The following GCKR variants were observed in gnomAD, a reference collection of about 807,000 sequenced individuals.
The protein encoded by GCKR is glucokinase regulator, also known as glucokinase regulatory protein.
In GCKR, 73 loss-of-function variants were observed where a neutral mutation model predicts 82.9. The observed-to-expected ratio is 0.88, with a 90% confidence interval of 0.73 to 1.07. The LOEUF (loss-of-function observed/expected upper bound fraction) is 1.07. Among genes scored for constraint, GCKR ranks in the 50% least tolerant of loss-of-function variants. The pLI is 0.00. For synonymous variants in GCKR, 294 were observed against 291.8 expected (o/e 1.01, Z -0.08); for missense variants, 784 against 782.1 (o/e 1.00, Z -0.03).
chr2:27,522,662 T>A, intron 18 of GCKR, 68 bp downstream of exon 18: 1 of 1,360,826 alleles, frequency 7.3e-7, no homozygotes, highest in Non-Finnish European at 1.0e-6. Context: ...AGGAAGTTTG[T>A]TCGGCACTGG....
At chr2:27,501,113 C>A (rs895918062) in intron 7 of GCKR, 22 bp from the exon 8 acceptor site, 1 of 1,546,740 alleles carries the variant, frequency 6.5e-7, no homozygotes, top group East Asian at 2.2e-5. Context: ...CTCATCATGC[C>A]CTTCTCTCTC....
At chr2:27,498,601 G>T in intron 4 of GCKR, 123 bp from the exon 5 acceptor site, 1 of 739,378 alleles carries the variant, frequency 1.4e-6, no homozygotes, top group East Asian at 2.6e-5. Flanking sequence ...ATTCCATGTA[G>T]GACTGGGTTA....
chr2:27,518,873 A>G lies in GCKR; in HGVS notation c.1508A>G (p.Asn503Ser), dbSNP rs200412367. The G allele has an allele frequency of 1.9e-4, 300 of 1,577,880 alleles. No homozygotes were observed. Among genetic ancestry groups the G allele is most frequent in the Non-Finnish European group, 2.5e-4 (284 of 1,158,540 alleles). ...GTGCTTCTTGGTAAGATCCTACAAA[A>G]CCACATGTTGGACCTTCGGATTAGC... ...AHVLLGKILQ[N>S]HMLDLRISNS... Residue 503 changes from asparagine (N) to serine (S), a missense_variant, in exon 17 of 19, where the codon AAC (asparagine) becomes AGC (serine). By Grantham distance (46) the Asn-to-Ser change is conservative. Coordinates refer to ENST00000264717, the MANE Select transcript of GCKR (RefSeq NM_001486.4).
At chr2:27,499,846 C>T (rs976269101) in intron 7 of GCKR, among the ~76,000 whole-genome samples, 3 of 152,098 alleles carry the variant, frequency 2.0e-5, no homozygotes, top group African/African-American at 7.2e-5. Flanking sequence ...TAAACTCCAC[C>T]TCCCAGGTTC....
intron 8 of GCKR, chr2:27,501,820 A>G (rs1172157409): frequency 2.1e-6 from 1 of 470,404 alleles, no homozygotes; most frequent in Non-Finnish European, 4.4e-6. Flanking sequence ...ATAAATCAAC[A>G]TATTAAACCA....
chr2:27,520,653 A>G (rs896354189), intron 17 of GCKR, among the ~76,000 whole-genome samples: 2 of 152,230 alleles, frequency 1.3e-5, no homozygotes, highest in African/African-American at 4.8e-5. Context: ...TGTAAAAACC[A>G]AAGCTGTATA....
At position 27,503,541 on chromosome 2, in the gene GCKR, A is replaced by C; in HGVS notation, c.672A>C (p.Ser224=). The C allele has an allele frequency of 6.2e-7, 1 of 1,606,658 alleles. No individual in the cohort carries two copies. Among genetic ancestry groups the C allele is most frequent in the Non-Finnish European group, 8.5e-7 (1 of 1,173,168 alleles). The change falls in exon 9 of 19, where the codon TCA becomes TCC. Residue 224 remains serine, a synonymous_variant. Transcript: ENST00000264717. ...ATGACCCCATTGAAGACTGGAGTTC[A>C]ACATTCCGACAAGTAGCAGAGCGGA... ...ARNDPIEDWS[S]TFRQVAERMQ... is the part of the protein sequence containing the mutation.
rs1208589832 is a variant in GCKR at position 27,508,149 on chromosome 2, C to T, written c.1339-19C>T. 3.8e-6 allele frequency: 6 copies of T among 1,597,402 alleles called. No homozygotes were observed. The highest frequency in any genetic ancestry group is 2.7e-5 in the African/African-American group (2 of 74,480). ...CCTTCCTGGAGATGCCTCTCCTGCT[C>T]CTCTTTCTCTCTCTCCAGATCCCTC... On this transcript the variant is annotated intron_variant, in intron 15 of 18. Transcript: ENST00000264717.
At chr2:27,507,865 C>T (rs1669787452) in intron 14 of GCKR, 88 bp downstream of exon 14, 21 of 1,132,660 alleles carry the variant, frequency 1.9e-5, no homozygotes, top group Non-Finnish European at 1.3e-6. Context: ...TCTTAGGGTA[C>T]CTGCTCAGAG....
intron 16 of GCKR, among the ~76,000 whole-genome samples, chr2:27,516,675 C>G (rs1166600743): frequency 6.6e-6 from 1 of 152,130 alleles, no homozygotes; most frequent in Non-Finnish European, 1.5e-5. Flanking sequence ...TGTCGCACTC[C>G]AAATTTTGTA....
intron 8 of GCKR, 64 bp from the exon 9 acceptor site, chr2:27,503,450 G>A: frequency 2.3e-6 from 2 of 867,070 alleles, no homozygotes; most frequent in Non-Finnish European, 4.0e-6. Flanking sequence ...ATGACTCCCA[G>A]CTGAGGCCCT....
intron 17 of GCKR, among the ~76,000 whole-genome samples, 195 bp from the exon 18 acceptor site, chr2:27,522,265 C>G (rs975394345): frequency 1.3e-5 from 2 of 152,152 alleles, no homozygotes; most frequent in Non-Finnish European, 2.9e-5. Context: ...CCACCACCAA[C>G]CCCTTTAACC....
intron 8 of GCKR, chr2:27,501,843 T>C (rs1669589424): frequency 2.2e-6 from 1 of 461,560 alleles, no homozygotes; most frequent in Non-Finnish European, 4.5e-6. Context: ...AGTGCTCAGA[T>C]GTGGTTCTGT....
In GCKR at chr2:27,515,438, G is replaced by A. The variant is rs8179231; in HGVS notation, c.1423-3350G>A. On this transcript the variant is annotated intron_variant, in intron 16 of 18. Transcript: ENST00000264717. ...CTACAGGCGCTTGCCACCATGCCTA[G>A]CTAATTTTGTTTCACCATGTTGGCC... Among the ~76,000 whole-genome samples the A allele has an allele frequency of 9.8e-3, 1,478 of 151,568 alleles. 29 individuals carry two copies. The highest frequency in any genetic ancestry group is 0.034 in the African/African-American group (1,410 of 41,276).
intron 5 of GCKR, 126 bp from the exon 6 acceptor site, chr2:27,499,016 C>G (rs1669499730): frequency 1.3e-6 from 1 of 743,054 alleles, no homozygotes; most frequent in African/African-American, 1.7e-5. Context: ...CATGCACCAA[C>G]AAACTGTGGG....
intron 16 of GCKR, among the ~76,000 whole-genome samples, chr2:27,508,879 T>TTC (rs1172261052): frequency 1.3e-5 from 2 of 152,054 alleles, no homozygotes; most frequent in Non-Finnish European, 2.9e-5. Context: ...CACCTTTTTT[T>TTC]TTTTTGCAAG....
rs1201942078 is a variant in GCKR at position 27,523,407 on chromosome 2, C to T, written c.1846C>T (p.Pro616Ser). ...AGPGQKRTADPLEILEPDVQ is the reference protein window; with the variant it reads ...AGPGQKRTADSLEILEPDVQ Reference sequence around the variant, plus strand: ...GCCAGGTCAGAAGCGCACTGCGGACCCCCTCGAGATCCTAGAGCCTGACGT... The same window carrying T: ...GCCAGGTCAGAAGCGCACTGCGGACTCCCTCGAGATCCTAGAGCCTGACGT... Residue 616 changes from proline to serine, a missense_variant, in exon 19 of 19, where the codon CCC (proline) becomes TCC (serine). Transcript: ENST00000264717. 3 of 1,609,868 alleles carry T rather than the reference C, an allele frequency of 1.9e-6. No individual in the cohort carries two copies. The East Asian group carries it at 6.7e-5, about 36-fold the overall frequency.
chr2:27,517,011 A>G (rs900468978), intron 16 of GCKR, among the ~76,000 whole-genome samples: 2 of 114,992 alleles, frequency 1.7e-5, no homozygotes, highest in African/African-American at 3.5e-5. Context: ...GTGTATTAGT[A>G]CCTTTTTTTT....
At chr2:27,507,431 A>G (rs1281244247) in intron 13 of GCKR, 120 bp downstream of exon 13, 7 of 787,628 alleles carry the variant, frequency 8.9e-6, no homozygotes, top group Non-Finnish European at 1.6e-5. Context: ...AGAGAAGAGA[A>G]TATGGGTCAG....
Sources: allele counts gnomAD v4.1 joint callset (sites outside exome capture counted in the v4.1 genomes callset), GRCh38; gene constraint gnomAD v4.1.1; transcripts MANE v1.5; gene names NCBI Gene and HGNC (gene_info 2026-07-23, HGNC 2026-07-21).